SMARCA2: variants seen among roughly 807,000 people sequenced by gnomAD.
SMARCA2 encodes the protein SWI/SNF-related matrix-associated actin-dependent regulator of chromatin subfamily A member 2.
Under a neutral mutation model 199.8 loss-of-function variants are expected in SMARCA2, and 61 were observed. The ratio of observed to expected loss-of-function variants is 0.31; its 90% CI spans 0.25 to 0.38. The LOEUF (loss-of-function observed/expected upper bound fraction) is 0.38. Among genes scored for constraint, SMARCA2 ranks in the 10% least tolerant of loss-of-function variants. SMARCA2 has a pLI of 1.00. For synonymous variants in SMARCA2, 935 were observed against 732.0 expected, an observed-to-expected ratio of 1.28 and a Z score of -4.48; for missense variants, 1,344 against 2,012.2, an observed-to-expected ratio of 0.67 and a Z score of 6.35.
chr9:2,164,306 C>G (rs1207824638), intron 28 of SMARCA2, among the ~76,000 whole-genome samples: 2 of 151,784 alleles, frequency 1.3e-5, no homozygotes, highest in Non-Finnish European at 2.9e-5. Context: ...TAAACCTCAG[C>G]TAAGCATTGC....
intron 27 of SMARCA2, 118 bp downstream of exon 27, chr9:2,124,055 G>A: frequency 1.3e-6 from 1 of 771,980 alleles, no homozygotes. Context: ...CAAAGGGAAG[G>A]GGCTCTTGAA....
At chr9:2,132,402 G>A (rs1015363943) in intron 27 of SMARCA2, among the ~76,000 whole-genome samples, 1 of 152,084 alleles carries the variant, frequency 6.6e-6, no homozygotes, top group African/African-American at 2.4e-5. Flanking sequence ...AGTGATTCTC[G>A]TAGATGTACT....
In SMARCA2 at chr9:2,056,868, T is replaced by C; in HGVS notation, c.1347+23T>C. On this transcript the variant is annotated intron_variant, in intron 7 of 33. Coordinates refer to ENST00000349721, the MANE Select transcript of SMARCA2 (RefSeq NM_003070.5). The surrounding 1 kb of genome is among the most constrained non-coding windows in gnomAD (Gnocchi z 4.0). ...CAGGTTCTTAGACCCTGGGCTTTGC[T>C]CACCCTCACTTTGGCAGAGCTGTCC... 6.2e-7 allele frequency: 1 copy of C among 1,605,602 alleles called. No individual in the cohort carries two copies. Among genetic ancestry groups the C allele is most frequent in the South Asian group, 1.1e-5 (1 of 90,266 alleles).
At chr9:2,040,109 A>C in intron 4 of SMARCA2, 3 of 1,036,180 alleles carry the variant, frequency 2.9e-6, no homozygotes, top group Non-Finnish European at 4.1e-6. Context: ...TTAACCTTAA[A>C]AGGTGGTTGT....
At chr9:2,090,701 G>A (rs1246311390) in intron 19 of SMARCA2, among the ~76,000 whole-genome samples, 1 of 152,086 alleles carries the variant, frequency 6.6e-6, no homozygotes, top group Admixed American at 6.6e-5. Flanking sequence ...TCCTATTCTT[G>A]AAGCTCTTTC....
chr9:2,032,707 G>C, intron 2 of SMARCA2: 1 of 347,600 alleles, frequency 2.9e-6, no homozygotes, highest in Non-Finnish European at 5.2e-6. Context: ...TGCCTGTTCT[G>C]ATATTACAAA....
chr9:2,097,730 A>G (rs573952930), intron 21 of SMARCA2, among the ~76,000 whole-genome samples: 1 of 152,342 alleles, frequency 6.6e-6, no homozygotes, highest in South Asian at 2.1e-4. Flanking sequence ...AAATGCTATA[A>G]GCAGTGGCTC....
At chr9:2,042,209 A>G (rs942748669) in intron 4 of SMARCA2, 1 of 152,202 alleles carries the variant, frequency 6.6e-6, no homozygotes, top group Non-Finnish European at 1.5e-5. Flanking sequence ...ATGTCTCAGT[A>G]TGTGAAGAGT....
intron 22 of SMARCA2, among the ~76,000 whole-genome samples, chr9:2,103,279 G>A (rs928466395): frequency 1.3e-5 from 2 of 152,160 alleles, no homozygotes; most frequent in African/African-American, 4.8e-5. Context: ...AAAGCAGCCA[G>A]ACAATAGAGA....
In SMARCA2 at chr9:2,161,799, G is replaced by T; in HGVS notation, c.4095G>T (p.Lys1365Asn). The T allele has an allele frequency of 6.2e-7, 1 of 1,614,032 alleles. No homozygotes were observed. The highest frequency in any genetic ancestry group is 8.5e-7 in the Non-Finnish European group (1 of 1,179,942). Residue 1365 changes from lysine (K) to asparagine (N), a missense_variant, in exon 28 of 34, where the codon AAG (lysine) becomes AAT (asparagine). Around this residue, in one of 18 missense-constraint regions of SMARCA2, gnomAD observed 151 missense variants for 154.0 expected, o/e 0.98. Coordinates refer to ENST00000349721, the MANE Select transcript of SMARCA2 (RefSeq NM_003070.5). The surrounding 1 kb of genome is among the most constrained non-coding windows in gnomAD (Gnocchi z 4.7). ...DPAKEDVEKAKKRRGRPPAEK... is the reference protein window; with the variant it reads ...DPAKEDVEKANKRRGRPPAEK... ...CAAAAGAAGATGTGGAAAAAGCTAAGAAGAGAAGAGGCCGCCCTCCCGCTG... is the reference window on the plus strand; with the variant it reads ...CAAAAGAAGATGTGGAAAAAGCTAATAAGAGAAGAGGCCGCCCTCCCGCTG...
chr9:2,029,380 A>T (rs988234989), intron 2 of SMARCA2, 133 bp downstream of exon 2: 5 of 1,279,652 alleles, frequency 3.9e-6, no homozygotes, highest in Non-Finnish European at 5.4e-6. Flanking sequence ...TATCTCATAT[A>T]TTATTAAAAA....
Position 2,192,684 on chromosome 9 carries a change from C to A in SMARCA2, c.4738-20C>A. 6.4e-7 allele frequency: 1 copy of A among 1,567,422 alleles called. No individual in the cohort carries two copies. Among genetic ancestry groups the A allele is most frequent in the Non-Finnish European group, 8.8e-7 (1 of 1,137,828 alleles). ...TGCATGTGATGTTACTTCATTTTAT[C>A]TTCTTATTTTTACTTTTAGGAACAG... On this transcript the variant is annotated intron_variant, in intron 33 of 33. Transcript: ENST00000349721.
intron 8 of SMARCA2, among the ~76,000 whole-genome samples, chr9:2,059,923 A>T (rs1820510780): frequency 2.0e-5 from 3 of 152,066 alleles, no homozygotes; most frequent in African/African-American, 4.8e-5. Flanking sequence ...TTTTATTGGG[A>T]TACACAAAGA....
intron 24 of SMARCA2, among the ~76,000 whole-genome samples, chr9:2,111,865 C>T (rs1823021576): frequency 6.6e-6 from 1 of 152,014 alleles, no homozygotes; most frequent in East Asian, 1.9e-4. Flanking sequence ...AACTGTGGGC[C>T]CAAACCACCA....
Position 2,088,879 on chromosome 9 carries a change from A to ATT in SMARCA2, c.2883+280_2883+281dup, listed in dbSNP as rs375056248. Among the ~76,000 whole-genome samples the ATT allele has an allele frequency of 7.0e-3, 962 of 137,970 alleles. 6 individuals carry two copies. Among genetic ancestry groups the ATT allele is most frequent in the Non-Finnish European group, 0.01 (678 of 65,440 alleles). 90.5% of individuals were successfully genotyped at this position (137,970 alleles called of 152,430 possible). A position where few individuals can be genotyped will look rare whatever the true frequency, so the allele number is the denominator to read the frequency against. On this transcript the variant is annotated intron_variant, in intron 19 of 33. Coordinates refer to ENST00000349721, the MANE Select transcript of SMARCA2 (RefSeq NM_003070.5). Reference sequence around the variant, plus strand: ...AGTCTCATTTACATTTTAATTTTAGATTTTTTTTTTTTTTTAAATTACGGA... The same window carrying ATT: ...AGTCTCATTTACATTTTAATTTTAGATTTTTTTTTTTTTTTTTAAATTACGGA...
chr9:2,097,845 G>GA lies in SMARCA2; in HGVS notation c.3078+379dup, dbSNP rs536447149. 3.9e-5 allele frequency among the ~76,000 whole-genome samples: 6 copies of GA among 152,224 alleles called. No individual in the cohort carries two copies. In the East Asian group the frequency reaches 7.7e-4, roughly 20 times the overall value. On this transcript the variant is annotated intron_variant, in intron 21 of 33. Coordinates refer to ENST00000349721, the MANE Select transcript of SMARCA2 (RefSeq NM_003070.5). ...TTCAGCTTCCTCAAAAGAATGCCGT[G>GA]AAAAATATTAAAATAATGTATTTAT... is the stretch of plus-strand genomic sequence containing the variant.
At chr9:2,109,118 G>T (rs1466798324) in intron 23 of SMARCA2, among the ~76,000 whole-genome samples, 4 of 152,154 alleles carry the variant, frequency 2.6e-5, no homozygotes, top group Non-Finnish European at 4.4e-5. Flanking sequence ...GATTTCATTA[G>T]CTATAGTCAC....
chr9:2,056,262 G>A lies in SMARCA2; in HGVS notation c.1174-410G>A, dbSNP rs529625034. 3.3e-5 allele frequency among the ~76,000 whole-genome samples: 5 copies of A among 152,142 alleles called. No individual in the cohort carries two copies. The East Asian group carries it at 9.7e-4, about 29-fold the overall frequency. On this transcript the variant is annotated intron_variant, in intron 6 of 33. Transcript: ENST00000349721. This position sits in a 1 kb window ranked among gnomAD's most constrained non-coding sequence, Gnocchi z 4.0. Reference sequence around the variant, plus strand: ...AAGTAATTCTTTTATTCTTTTTTTGGAGCATCATTAAAATTAATCTTTAAA... The same window carrying A: ...AAGTAATTCTTTTATTCTTTTTTTGAAGCATCATTAAAATTAATCTTTAAA...
chr9:2,042,103 T>C (rs1034090526), intron 4 of SMARCA2: 7 of 152,280 alleles, frequency 4.6e-5, no homozygotes, highest in Admixed American at 4.6e-4. Context: ...ATTGTACTTC[T>C]GTGTGTAAAG....
Sources: gnomAD v4.1 joint callset for allele counts (sites outside exome capture counted in the v4.1 genomes callset) on GRCh38, gnomAD v4.1.1 for gene constraint, gnomAD v4.1.1 regional missense constraint, Gnocchi (gnomAD v3.1) non-coding constraint, MANE v1.5 for transcripts, NCBI Gene and HGNC (gene_info 2026-07-23, HGNC 2026-07-21) for gene names.